EP300: variants seen among roughly 807,000 people sequenced by gnomAD.
EP300 encodes histone acetyltransferase p300.
EP300 carries 31 observed loss-of-function variants against 264.0 expected under a neutral mutation model. That is an observed-to-expected ratio of 0.12 (90% CI 0.09 to 0.16). The LOEUF (loss-of-function observed/expected upper bound fraction) is 0.16, where lower values mean the gene tolerates loss of function less well. EP300 is among the 10% of genes least tolerant of loss of function. EP300 has a pLI of 1.00. For synonymous variants in EP300, 1,340 were observed against 1,045.4 expected (o/e 1.28, Z -5.44); for missense variants, 2,766 against 3,052.9 (o/e 0.91, Z 2.21).
At chr22:41,171,618 T>C (rs2145768738) in intron 27 of EP300, among the ~76,000 whole-genome samples, 1 of 151,730 alleles carries the variant, frequency 6.6e-6, no homozygotes, top group East Asian at 1.9e-4. Context: ...ATTATAGGCA[T>C]GAGCCACATC....
At chr22:41,106,976 G>A (rs890563140) in intron 1 of EP300, among the ~76,000 whole-genome samples, 12 of 152,000 alleles carry the variant, frequency 7.9e-5, no homozygotes, top group Admixed American at 6.6e-4. Flanking sequence ...GCGTGATCTC[G>A]GCTTACTGCA....
At chr22:41,096,328 T>C (rs948204746) in intron 1 of EP300, among the ~76,000 whole-genome samples, 7 of 152,194 alleles carry the variant, frequency 4.6e-5, no homozygotes, top group Admixed American at 3.9e-4. Context: ...CATTACTCAG[T>C]GAACACGTTT....
At chr22:41,105,199 A>G (rs1039156719) in intron 1 of EP300, among the ~76,000 whole-genome samples, 1,247 of 20,000 alleles carry the variant, frequency 0.062, 54 homozygotes, top group Admixed American at 0.14. Flanking sequence ...TCCATCTCAG[A>G]AAAAAAAAAA....
intron 2 of EP300, among the ~76,000 whole-genome samples, chr22:41,123,855 C>T (rs552043003): frequency 1.6e-4 from 25 of 152,202 alleles, no homozygotes; most frequent in African/African-American, 4.6e-4. Context: ...ATTAGTAAAA[C>T]GTTTGACTTT....
chr22:41,119,836 A>G (rs947490207), intron 2 of EP300, among the ~76,000 whole-genome samples: 3 of 152,174 alleles, frequency 2.0e-5, no homozygotes, highest in Non-Finnish European at 4.4e-5. Flanking sequence ...TTTTATTTTG[A>G]GACCGAGTCT....
At chr22:41,157,075 C>T in intron 17 of EP300, 94 bp from the exon 18 acceptor site, 1 of 1,521,510 alleles carries the variant, frequency 6.6e-7, no homozygotes, top group Non-Finnish European at 9.0e-7. Context: ...AACTAAAACA[C>T]TGCCTGGAAA....
chr22:41,162,190 A>G (rs1462663263), intron 20 of EP300, among the ~76,000 whole-genome samples: 3 of 152,212 alleles, frequency 2.0e-5, no homozygotes, highest in Non-Finnish European at 2.9e-5. Context: ...GGAAAATGCT[A>G]TTAACAGAGA....
intron 3 of EP300, among the ~76,000 whole-genome samples, chr22:41,126,468 G>T (rs1410547934): frequency 6.6e-6 from 1 of 152,118 alleles, no homozygotes; most frequent in Non-Finnish European, 1.5e-5. Context: ...CAAAAGTAAT[G>T]TATTGTTTTA....
chr22:41,129,443 A>G (rs546436910), intron 4 of EP300, among the ~76,000 whole-genome samples: 1 of 152,276 alleles, frequency 6.6e-6, no homozygotes, highest in East Asian at 1.9e-4. Context: ...TTTAAATGTT[A>G]TTGAGGGTTT....
chr22:41,164,136 T>A lies in EP300; in HGVS notation c.3806+6T>A. On this transcript the variant is annotated splice_donor_region_variant and intron_variant, in intron 22 of 30. Coordinates refer to ENST00000263253, the MANE Select transcript of EP300 (RefSeq NM_001429.4). ...GAGATCATCTGGCCTGCTGGGTAAGTCTTAACGTTGTTACTTTCTCTGGAA... is the reference window on the plus strand; with the variant it reads ...GAGATCATCTGGCCTGCTGGGTAAGACTTAACGTTGTTACTTTCTCTGGAA... The A allele has an allele frequency of 2.5e-6, 4 of 1,613,772 alleles. No individual in the cohort carries two copies. The highest frequency in any genetic ancestry group is 3.4e-6 in the Non-Finnish European group (4 of 1,179,636).
At position 41,092,681 on chromosome 22, in the gene EP300, C is replaced by T. The variant is rs2058679002; in HGVS notation, c.-324C>T. ...TCGGCTGGGCAGGGGCCGGCCGTGG[C>T]GGGCCGGGGACTGCGCCTCTAGAGC... On this transcript the variant is annotated 5_prime_UTR_variant, in exon 1 of 31. Transcript: ENST00000263253. The T allele has an allele frequency of 3.2e-6, 2 of 616,846 alleles. No individual in the cohort carries two copies. The highest frequency in any genetic ancestry group is 2.8e-5 in the East Asian group (1 of 36,082). The allele number at this position is 616,846 out of a possible 1,614,324, so 38.2% of individuals were successfully genotyped here.
intron 3 of EP300, 91 bp from the exon 4 acceptor site, chr22:41,127,396 A>G (rs770448179): frequency 6.4e-7 from 1 of 1,553,032 alleles, no homozygotes; most frequent in Non-Finnish European, 8.8e-7. Flanking sequence ...GACTAACCAT[A>G]AAGGTTTTCA....
At chr22:41,099,255 G>C (rs2058718355) in intron 1 of EP300, among the ~76,000 whole-genome samples, 2 of 151,932 alleles carry the variant, frequency 1.3e-5, no homozygotes, top group Non-Finnish European at 2.9e-5. Context: ...GTAGAGACAG[G>C]GAGTCCTGAC....
chr22:41,167,384 T>G lies in EP300; in HGVS notation c.3874+718T>G, dbSNP rs926079093. On this transcript the variant is annotated intron_variant, in intron 23 of 30. Transcript: ENST00000263253. ...CAGGAGGATGTCAAAAATTTTATCA[T>G]GTAAGTAATTAACACTAATAATCTA... 3.3e-5 allele frequency among the ~76,000 whole-genome samples: 5 copies of G among 151,994 alleles called. No individual in the cohort carries two copies. The East Asian group carries it at 9.6e-4, about 29-fold the overall frequency.
chr22:41,142,531 A>G (rs972538852), intron 10 of EP300, among the ~76,000 whole-genome samples: 3 of 152,176 alleles, frequency 2.0e-5, no homozygotes, highest in Non-Finnish European at 2.9e-5. Context: ...TGAAAAAGTC[A>G]AGATTAGAGT....
intron 8 of EP300, among the ~76,000 whole-genome samples, chr22:41,139,400 A>C (rs1339676925): frequency 6.6e-6 from 1 of 152,254 alleles, no homozygotes; most frequent in Non-Finnish European, 1.5e-5. Context: ...ATGGACAGAG[A>C]TGATTATTTG....
intron 24 of EP300, 38 bp from the exon 25 acceptor site, chr22:41,168,683 A>T (rs2145763188): frequency 6.2e-7 from 1 of 1,614,232 alleles, no homozygotes; most frequent in Non-Finnish European, 8.5e-7. Context: ...AGTCTGAATG[A>T]GTTATGTTGT....
At chr22:41,126,986 C>T (rs1201353522) in intron 3 of EP300, among the ~76,000 whole-genome samples, 2 of 151,960 alleles carry the variant, frequency 1.3e-5, no homozygotes, top group Admixed American at 6.6e-5. Context: ...TCAGGTGATC[C>T]GCCTGCCTCG....
Position 41,160,754 on chromosome 22 carries a change from AT to A in EP300, c.3671+34del, listed in dbSNP as rs766397623. On this transcript the variant is annotated intron_variant, in intron 20 of 30. Transcript: ENST00000263253. ...AACTGCATTATTTTGAAAAGTGCTA[AT>A]TAGTTTGTTGTCCAGTGATTATGCA... 77 of 1,591,626 alleles carry A rather than the reference AT, an allele frequency of 4.8e-5. No homozygotes were observed. The African/African-American group carries it at 9.6e-4, about 20-fold the overall frequency.
Sources: gnomAD v4.1 joint callset for allele counts (sites outside exome capture counted in the v4.1 genomes callset) on GRCh38, gnomAD v4.1.1 for gene constraint, MANE v1.5 for transcripts, NCBI Gene and HGNC (gene_info 2026-07-23, HGNC 2026-07-21) for gene names.